Variants in KRT40 observed in about 807,000 individuals in gnomAD.
KRT40 encodes keratin 40, also known as keratin, type I cytoskeletal 40.
In KRT40, 47 loss-of-function variants were observed where a neutral mutation model predicts 43.5. That is an observed-to-expected ratio of 1.08 (90% CI 0.86 to 1.38). The LOEUF (loss-of-function observed/expected upper bound fraction) is 1.38, where lower values mean the gene tolerates loss of function less well. Ranked by LOEUF, KRT40 falls within the 40% of genes most tolerant of loss-of-function variation. The pLI, the probability that KRT40 is intolerant of heterozygous loss-of-function variation, is 0.00. For missense variants in KRT40, 573 were observed against 523.6 expected (o/e 1.09, Z -0.92); for synonymous variants, 212 against 214.0 (o/e 0.99, Z 0.08).
chr17:40,982,956 T>G, intron 2 of KRT40, 90 bp downstream of exon 2: 1 of 608,364 alleles, frequency 1.6e-6, no homozygotes, highest in East Asian at 3.1e-5. Flanking sequence ...TGCAGTGAGC[T>G]GAGATAGCAC....
rs35072663 is a variant in KRT40 at position 40,983,027 on chromosome 17, A to T, written c.530+19T>A. On this transcript the variant is annotated intron_variant, in intron 2 of 6. Coordinates refer to ENST00000377755, the MANE Select transcript of KRT40 (RefSeq NM_001389244.1). ...CCATCTCAAAATAAATAAATAAAAT[A>T]AAATTAAATTAAACTTACTTTGACT... The T allele has an allele frequency of 0.28, 278,959 of 999,898 alleles. 45,568 individuals carry two copies. The highest frequency in any genetic ancestry group is 0.62 in the African/African-American group (37,231 of 59,922). 61.9% of individuals were successfully genotyped at this position (999,898 alleles called of 1,614,324 possible).
chr17:40,979,272 T>C (rs1360668253), intron 5 of KRT40, among the ~76,000 whole-genome samples: 1 of 152,058 alleles, frequency 6.6e-6, no homozygotes, highest in Non-Finnish European at 1.5e-5. Flanking sequence ...TCCCAGCACT[T>C]TGGGAGGCCG....
At position 40,982,472 on chromosome 17, in the gene KRT40, G is replaced by A. The variant is rs1912223678; in HGVS notation, c.531-9C>T. ...ACAGTTCACTCTCGTACCTTTCACA[G>A]CAAAAGAGAAATCCAACGCTTACTT... On this transcript the variant is annotated splice_polypyrimidine_tract_variant and intron_variant, in intron 2 of 6. Coordinates refer to ENST00000377755, the MANE Select transcript of KRT40 (RefSeq NM_001389244.1). The A allele has an allele frequency of 1.3e-6, 2 of 1,535,600 alleles. No individual in the cohort carries two copies. Among genetic ancestry groups the A allele is most frequent in the Non-Finnish European group, 1.7e-6 (2 of 1,145,120 alleles).
In KRT40 at chr17:40,980,826, C is replaced by G. The variant is rs185411291; in HGVS notation, c.934G>C (p.Ala312Pro). The part of the protein sequence containing the change: ...QMEILELKRT[A>P]SALEIELQAQ... ...TGGAGCTCAATTTCCAGAGCACTGG[C>G]TGTGCGTTTCAGTTCCAAGATCTCC... Residue 312 changes from alanine to proline, a missense_variant, in exon 5 of 7, where the codon GCC becomes CCC. Transcript: ENST00000377755. The G allele has an allele frequency of 1.2e-5, 20 of 1,612,404 alleles. No individual in the cohort carries two copies. In the East Asian group the frequency reaches 3.1e-4, roughly 25 times the overall value.
rs375458947 is a variant in KRT40 at position 40,984,213 on chromosome 17, A to G, written c.61T>C (p.Cys21Arg). The G allele has an allele frequency of 1.2e-6, 2 of 1,614,024 alleles. No homozygotes were observed. The highest frequency in any genetic ancestry group is 1.7e-6 in the Non-Finnish European group (2 of 1,180,000). Residue 21 changes from cysteine to arginine, a missense_variant, in exon 1 of 7, where the codon TGT becomes CGT. Cys to Arg is a radical substitution (Grantham distance 180). Coordinates refer to ENST00000377755, the MANE Select transcript of KRT40 (RefSeq NM_001389244.1). ...SPESCGTASGCAPASSCSVET... is the reference protein window; with the variant it reads ...SPESCGTASGRAPASSCSVET... ...ACGGAGCAGCTTGAGGCAGGTGCAC[A>G]ACCGGAAGCCGTGCCACAGGACTCA...
At chr17:40,984,769 G>A (rs529285751), upstream of KRT40, among the ~76,000 whole-genome samples, 9 of 152,216 alleles carry the variant, frequency 5.9e-5, no homozygotes, top group South Asian at 1.7e-3. Flanking sequence ...CATAAAAATG[G>A]TCAGTGTGAT....
rs772671423 is a variant in KRT40 at position 40,978,317 on chromosome 17, A to C, written c.1197-21T>G. Reference sequence around the variant, plus strand: ...AAAGCCTGGGGAAAAATCGATTTTCAACCAAGATTAACAAGGGAATGTTGA... The same window carrying C: ...AAAGCCTGGGGAAAAATCGATTTTCCACCAAGATTAACAAGGGAATGTTGA... On this transcript the variant is annotated intron_variant, in intron 6 of 6. Coordinates refer to ENST00000377755, the MANE Select transcript of KRT40 (RefSeq NM_001389244.1). 1.3e-5 allele frequency: 21 copies of C among 1,574,480 alleles called. No individual in the cohort carries two copies. The African/African-American group carries it at 2.6e-4, about 19-fold the overall frequency.
chr17:40,978,923 G>A lies in KRT40; in HGVS notation c.1077C>T (p.Ala359=), dbSNP rs200754236. The part of the protein sequence containing the change: ...CLIDNLENQL[A]EIRCDLERQN... ...GTCGCTCCAGGTCGCAGCGGATCTC[G>A]GCCAGCTGGTTCTCCAGGTTATCGA... is the stretch of plus-strand genomic sequence containing the variant. Residue 359 remains alanine (A), a synonymous_variant, in exon 6 of 7, where the codon GCC becomes GCT. Coordinates refer to ENST00000377755, the MANE Select transcript of KRT40 (RefSeq NM_001389244.1). 80 of 1,614,086 alleles carry A rather than the reference G, an allele frequency of 5.0e-5. No homozygotes were observed. In the Middle Eastern group the frequency reaches 8.3e-4, roughly 17 times the overall value.
rs1206292871 is a variant in KRT40, at chr17:40,984,317, G to T, written c.-44C>A. On this transcript the variant is annotated 5_prime_UTR_variant, in exon 1 of 7. Coordinates refer to ENST00000377755, the MANE Select transcript of KRT40 (RefSeq NM_001389244.1). ...AGAGACTGGCTGCAAAACTTCAGTT[G>T]CCTTGACTCCAAAACTCTCCTCTCC... The T allele has an allele frequency of 6.8e-6, 10 of 1,468,270 alleles. No individual in the cohort carries two copies. The highest frequency in any genetic ancestry group is 1.2e-5 in the South Asian group (1 of 81,476). The allele number at this position is 1,468,270 out of a possible 1,614,324, so 91.0% of individuals were successfully genotyped here.
At chr17:40,979,056 G>T (rs777681888) in intron 5 of KRT40, 32 bp from the exon 6 acceptor site, 4 of 1,566,192 alleles carry the variant, frequency 2.6e-6, no homozygotes, top group Non-Finnish European at 3.5e-6. Context: ...AAAGGACCAT[G>T]AAGTGCAGTC....
In KRT40 at chr17:40,984,143, T is replaced by A; in HGVS notation, c.131A>T (p.Gln44Leu). ...AGACCTGGATAGGAAGCTTGGAGTCTGACATCGGGATGTAGCACAGGTACC... is the reference window on the plus strand; with the variant it reads ...AGACCTGGATAGGAAGCTTGGAGTCAGACATCGGGATGTAGCACAGGTACC... ...LPGTCATSRCQTPSFLSRSRG... is the reference protein window; with the variant it reads ...LPGTCATSRCLTPSFLSRSRG... The change falls in exon 1 of 7, where the codon CAG (glutamine) becomes CTG (leucine). Residue 44 changes from glutamine to leucine, a missense_variant. Gln to Leu is a moderately radical substitution (Grantham distance 113, BLOSUM62 -2). Transcript: ENST00000377755. 1 of 1,614,110 alleles carries A rather than the reference T, an allele frequency of 6.2e-7. No homozygotes were observed. Among genetic ancestry groups the A allele is most frequent in the Non-Finnish European group, 8.5e-7 (1 of 1,180,020 alleles).
chr17:40,978,816 C>G lies in KRT40; in HGVS notation c.1184G>C (p.Ser395Thr). Residue 395 changes from serine to threonine, a missense_variant, in exon 6 of 7, where the codon AGC (serine) becomes ACC (threonine). Coordinates refer to ENST00000377755, the MANE Select transcript of KRT40 (RefSeq NM_001389244.1). ...EINTYWGLLDSEDSRLSCSPC... is the reference protein window; with the variant it reads ...EINTYWGLLDTEDSRLSCSPC... ...CTGTGGAACTTGCCTGCTGTCCTCG[C>G]TGTCCAGCAGGCCCCAGTACGTGTT... 1.2e-6 allele frequency: 2 copies of G among 1,611,746 alleles called. No homozygotes were observed. Among genetic ancestry groups the G allele is most frequent in the Non-Finnish European group, 1.7e-6 (2 of 1,179,340 alleles).
rs1192303763 is a variant in KRT40, at chr17:40,980,829, T to C, written c.931A>G (p.Thr311Ala). 1.9e-6 allele frequency: 3 copies of C among 1,612,648 alleles called. No individual in the cohort carries two copies. The highest frequency in any genetic ancestry group is 1.3e-5 in the African/African-American group (1 of 74,812). ...AGCTCAATTTCCAGAGCACTGGCTGTGCGTTTCAGTTCCAAGATCTCCATC... is the reference window on the plus strand; with the variant it reads ...AGCTCAATTTCCAGAGCACTGGCTGCGCGTTTCAGTTCCAAGATCTCCATC... ...CQMEILELKR[T>A]ASALEIELQA... The change falls in exon 5 of 7, where the codon ACA becomes GCA. Residue 311 changes from threonine to alanine, a missense_variant. Coordinates refer to ENST00000377755, the MANE Select transcript of KRT40 (RefSeq NM_001389244.1).
intron 5 of KRT40, 28 bp from the exon 6 acceptor site, chr17:40,979,052 C>T: frequency 6.4e-7 from 1 of 1,572,726 alleles, no homozygotes; most frequent in South Asian, 1.1e-5. Context: ...GTCCAAAGGA[C>T]CATGAAGTGC....
intron 3 of KRT40, among the ~76,000 whole-genome samples, chr17:40,981,806 A>T (rs1317477213): frequency 6.6e-6 from 1 of 152,150 alleles, no homozygotes; most frequent in East Asian, 1.9e-4. Context: ...GTTATTTCAC[A>T]CCTTAAATCA....
At chr17:40,981,351 AT>A in intron 3 of KRT40, 200 bp from the exon 4 acceptor site, 2 of 992,202 alleles carry the variant, frequency 2.0e-6, no homozygotes, top group Non-Finnish European at 3.1e-6. Flanking sequence ...ATAATTGGAC[AT>A]TTTTCCAGAA....
chr17:40,983,701 A>G (rs1013672262), intron 1 of KRT40, 126 bp downstream of exon 1: 3 of 870,316 alleles, frequency 3.4e-6, no homozygotes, highest in Admixed American at 2.4e-5. Context: ...GCTCTCCCCT[A>G]TGTATCACTA....
At chr17:40,981,342 T>A in intron 3 of KRT40, 191 bp from the exon 4 acceptor site, 1 of 1,040,374 alleles carries the variant, frequency 9.6e-7, no homozygotes, top group Non-Finnish European at 1.4e-6. Context: ...ATGGACATAA[T>A]AATTGGACAT....
At chr17:40,984,918 A>AT, upstream of KRT40, among the ~76,000 whole-genome samples, 1 of 152,252 alleles carries the variant, frequency 6.6e-6, no homozygotes, top group Non-Finnish European at 1.5e-5. Context: ...GTCACTTTAC[A>AT]TAACTGATAG....
Sources: gnomAD v4.1 joint callset for allele counts (sites outside exome capture counted in the v4.1 genomes callset) on GRCh38, gnomAD v4.1.1 for gene constraint, MANE v1.5 for transcripts, NCBI Gene and HGNC (gene_info 2026-07-23, HGNC 2026-07-21) for gene names.